Variants in STX8 observed in about 807,000 individuals in gnomAD.
The protein encoded by STX8 is syntaxin 8.
A neutral mutation model predicts 37.5 loss-of-function variants in STX8; 23 were observed. The ratio of observed to expected loss-of-function variants is 0.61; its 90% CI spans 0.44 to 0.87. The LOEUF is 0.87. STX8 is among the 40% of genes least tolerant of loss of function. STX8 has a pLI of 0.00. For missense variants in STX8, 313 were observed against 284.7 expected, an observed-to-expected ratio of 1.10 and a Z score of -0.71; for synonymous variants, 115 against 99.1, an observed-to-expected ratio of 1.16 and a Z score of -0.95.
intron 7 of STX8, among the ~76,000 whole-genome samples, chr17:9,370,849 T>C (rs757390397): frequency 6.6e-6 from 1 of 151,214 alleles, no homozygotes. Flanking sequence ...ATGTCCTTAA[T>C]GGAAGTAACA....
At chr17:9,443,038 T>C (rs558420637) in intron 6 of STX8, among the ~76,000 whole-genome samples, 1 of 152,274 alleles carries the variant, frequency 6.6e-6, no homozygotes, top group African/African-American at 2.4e-5. Context: ...ATCTCATAGA[T>C]AAAGGGGCTA....
chr17:9,442,095 G>A (rs906650447), intron 6 of STX8, among the ~76,000 whole-genome samples: 6 of 152,148 alleles, frequency 3.9e-5, no homozygotes, highest in African/African-American at 1.4e-4. Context: ...CACCCCACGT[G>A]TCTTCGAACT....
chr17:9,449,108 CAT>C (rs1331291378), intron 6 of STX8, among the ~76,000 whole-genome samples: 1 of 152,138 alleles, frequency 6.6e-6, no homozygotes, highest in African/African-American at 2.4e-5. Flanking sequence ...GAAAACTAAA[CAT>C]ATGCTTATAC....
intron 4 of STX8, among the ~76,000 whole-genome samples, chr17:9,531,327 C>G (rs2142542451): frequency 6.6e-6 from 1 of 152,294 alleles, no homozygotes; most frequent in East Asian, 1.9e-4. Flanking sequence ...AAAAATCTGG[C>G]TGGGGACTGT....
intron 6 of STX8, among the ~76,000 whole-genome samples, chr17:9,389,159 T>C (rs1912119206): frequency 6.6e-6 from 1 of 152,228 alleles, no homozygotes; most frequent in Admixed American, 6.5e-5. Context: ...CCACTGTTGG[T>C]TTGATGGGAT....
At chr17:9,460,054 G>A (rs1379017844) in intron 6 of STX8, among the ~76,000 whole-genome samples, 3 of 152,206 alleles carry the variant, frequency 2.0e-5, no homozygotes, top group African/African-American at 7.2e-5. Context: ...GTTTGGGGTT[G>A]AGAGACAATG....
chr17:9,546,383 T>C (rs1597735251), intron 3 of STX8, among the ~76,000 whole-genome samples: 1 of 92,934 alleles, frequency 1.1e-5, no homozygotes, highest in East Asian at 5.5e-4. Context: ...TCATAAGTGA[T>C]GGTTAAAAAA....
At chr17:9,272,898 C>T (rs1009021228) in intron 7 of STX8, among the ~76,000 whole-genome samples, 3 of 152,240 alleles carry the variant, frequency 2.0e-5, no homozygotes, top group East Asian at 1.9e-4. Context: ...CCACACTCTC[C>T]GCGCCATTCC....
intron 7 of STX8, among the ~76,000 whole-genome samples, chr17:9,366,283 G>A (rs1046540548): frequency 6.6e-6 from 1 of 152,190 alleles, no homozygotes; most frequent in African/African-American, 2.4e-5. Flanking sequence ...CCAGGCAGGA[G>A]TGCAGTGGCA....
Position 9,354,400 on chromosome 17 carries a change from C to A in STX8, c.643+24152G>T, listed in dbSNP as rs1910808688. 4.7e-5 allele frequency among the ~76,000 whole-genome samples: 7 copies of A among 147,690 alleles called. No homozygotes were observed. The South Asian group carries it at 1.5e-3, about 32-fold the overall frequency. On this transcript the variant is annotated intron_variant, in intron 7 of 7. Coordinates refer to ENST00000306357, the MANE Select transcript of STX8 (RefSeq NM_004853.3). ...GCGGTGGTGAGATCTCGGCTCACTG[C>A]AACCTTCACCTTCTGGGTTCAAGTG... is the stretch of plus-strand genomic sequence containing the variant.
At chr17:9,505,290 T>G in intron 4 of STX8, 128 bp from the exon 5 acceptor site, 1 of 1,058,362 alleles carries the variant, frequency 9.4e-7, no homozygotes, top group South Asian at 1.7e-5. Flanking sequence ...ATTTATTGCA[T>G]CATTAGTTTA....
chr17:9,359,414 C>T (rs1022352222), intron 7 of STX8, among the ~76,000 whole-genome samples: 1 of 151,946 alleles, frequency 6.6e-6, no homozygotes, highest in African/African-American at 2.4e-5. Context: ...GCCTGAAATC[C>T]CCAAAGAGAA....
intron 6 of STX8, among the ~76,000 whole-genome samples, chr17:9,473,445 T>C (rs1905964501): frequency 6.6e-6 from 1 of 152,162 alleles, no homozygotes; most frequent in African/African-American, 2.4e-5. Flanking sequence ...CCCTTCCATA[T>C]ACAAAATCCA....
intron 3 of STX8, chr17:9,554,081 G>T (rs1263214050): frequency 6.6e-6 from 1 of 152,148 alleles, no homozygotes; most frequent in Non-Finnish European, 1.5e-5. Context: ...ACAACATGAT[G>T]AAACCCCGTC....
chr17:9,338,345 C>T (rs959215511), intron 7 of STX8, among the ~76,000 whole-genome samples: 3 of 152,108 alleles, frequency 2.0e-5, no homozygotes, highest in Non-Finnish European at 4.4e-5. Context: ...TGAGCCACAG[C>T]GTCCAGGTAT....
intron 7 of STX8, among the ~76,000 whole-genome samples, chr17:9,373,666 G>A (rs1412254365): frequency 3.3e-5 from 5 of 152,158 alleles, no homozygotes; most frequent in African/African-American, 4.8e-5. Flanking sequence ...GTGGCTGGGC[G>A]CAGTGGCTCA....
intron 7 of STX8, among the ~76,000 whole-genome samples, chr17:9,314,598 C>T (rs756532191): frequency 3.7e-4 from 55 of 148,818 alleles, no homozygotes; most frequent in Middle Eastern, 6.9e-3. Context: ...TTAGTAGAGA[C>T]GGGGTTTCAC....
At chr17:9,564,274 G>A (rs1469868861) in intron 2 of STX8, among the ~76,000 whole-genome samples, 1 of 150,744 alleles carries the variant, frequency 6.6e-6, no homozygotes, top group Admixed American at 6.6e-5. Flanking sequence ...GGAGAGGAGA[G>A]GAGAAAAGAG....
rs527457714 is a variant in STX8, at chr17:9,308,433, A to C, written c.644-57788T>G. ...AGTTCCTATGACTCACCTTGGTGAA[A>C]AGGAATTACAGCCAGGCGTGGTGGC... On this transcript the variant is annotated intron_variant, in intron 7 of 7. Coordinates refer to ENST00000306357, the MANE Select transcript of STX8 (RefSeq NM_004853.3). Among the ~76,000 whole-genome samples, 10 of 152,264 alleles carry C rather than the reference A, an allele frequency of 6.6e-5. No individual in the cohort carries two copies. The East Asian group carries it at 1.9e-3, about 29-fold the overall frequency.
Sources: allele counts gnomAD v4.1 joint callset (sites outside exome capture counted in the v4.1 genomes callset), GRCh38; gene constraint gnomAD v4.1.1; transcripts MANE v1.5; gene names NCBI Gene and HGNC (gene_info 2026-07-23, HGNC 2026-07-21).